The following FOXN3 variants were observed in gnomAD, a reference collection of about 807,000 sequenced individuals.
FOXN3 encodes the protein forkhead box protein N3.
Under a neutral mutation model 38.4 loss-of-function variants are expected in FOXN3, and 7 were observed. The ratio of observed to expected loss-of-function variants is 0.18; its 90% CI spans 0.10 to 0.34. The LOEUF is 0.34. Among genes scored for constraint, FOXN3 ranks in the 10% least tolerant of loss-of-function variants. The pLI is 1.00. For synonymous variants in FOXN3, 230 were observed against 242.2 expected (o/e 0.95, Z 0.47); for missense variants, 456 against 613.4 (o/e 0.74, Z 2.71).
At chr14:89,221,278 G>C (rs558888028) in intron 4 of FOXN3, among the ~76,000 whole-genome samples, 1 of 152,198 alleles carries the variant, frequency 6.6e-6, no homozygotes, top group East Asian at 1.9e-4. Context: ...CTCTTGGATG[G>C]TGTTCTATTG....
chr14:89,253,815 A>C (rs1596133594), intron 4 of FOXN3, among the ~76,000 whole-genome samples: 1 of 152,254 alleles, frequency 6.6e-6, no homozygotes, highest in East Asian at 1.9e-4. Context: ...AGGACTTTCC[A>C]ATTCAGCTGC....
chr14:89,314,917 C>T (rs548374167), intron 3 of FOXN3, among the ~76,000 whole-genome samples: 1 of 152,246 alleles, frequency 6.6e-6, no homozygotes, highest in South Asian at 2.1e-4. Flanking sequence ...CTCTCATAAA[C>T]TCAGCCTAAA....
chr14:89,433,691 C>T (rs1892213032), intron 1 of FOXN3, among the ~76,000 whole-genome samples: 1 of 151,048 alleles, frequency 6.6e-6, no homozygotes, highest in Non-Finnish European at 1.5e-5. Flanking sequence ...GTAATCCCAG[C>T]TATTCAGGAG....
intron 1 of FOXN3, among the ~76,000 whole-genome samples, chr14:89,618,727 T>G (rs998384018): frequency 4.6e-5 from 7 of 151,998 alleles, no homozygotes; most frequent in African/African-American, 1.7e-4. Flanking sequence ...TGTCTGCAAT[T>G]TTTTAAAAAA....
chr14:89,518,271 T>C (rs1311759059), intron 1 of FOXN3, among the ~76,000 whole-genome samples: 9 of 152,232 alleles, frequency 5.9e-5, no homozygotes, highest in Admixed American at 1.3e-4. Context: ...TGTCAAAGCA[T>C]TGCCCAGTAA....
intron 1 of FOXN3, among the ~76,000 whole-genome samples, chr14:89,432,767 G>A (rs1335264590): frequency 6.6e-6 from 1 of 152,134 alleles, no homozygotes; most frequent in Non-Finnish European, 1.5e-5. Flanking sequence ...ACAGTTTTGG[G>A]GTTTTTGGGA....
chr14:89,437,469 G>T (rs931037358), intron 1 of FOXN3, among the ~76,000 whole-genome samples: 1 of 152,126 alleles, frequency 6.6e-6, no homozygotes, highest in South Asian at 2.1e-4. Context: ...GATGATGGTG[G>T]TCATGTCAGA....
chr14:89,544,277 G>A (rs1486446990), intron 1 of FOXN3, among the ~76,000 whole-genome samples: 3 of 150,928 alleles, frequency 2.0e-5, no homozygotes, highest in Non-Finnish European at 2.9e-5. Context: ...TCCTGACCTC[G>A]TGATCCGCCC....
At chr14:89,445,181 T>C (rs1333287669) in intron 1 of FOXN3, among the ~76,000 whole-genome samples, 1 of 151,950 alleles carries the variant, frequency 6.6e-6, no homozygotes, top group Non-Finnish European at 1.5e-5. Context: ...CAGACTAGGG[T>C]TTGAATTCCA....
At position 89,282,417 on chromosome 14, in the gene FOXN3, G is replaced by C. The variant is rs187662940; in HGVS notation, c.681-1403C>G. ...CCAGGAGCTTCACAGGGTAACAGCA[G>C]ACCGGACTGGAGTCTCAGGATGATG... On this transcript the variant is annotated intron_variant, in intron 3 of 5. Transcript: ENST00000557258. Among the ~76,000 whole-genome samples, 4 of 152,300 alleles carry C rather than the reference G, an allele frequency of 2.6e-5. No homozygotes were observed. In the East Asian group the frequency reaches 5.8e-4, roughly 22 times the overall value.
At chr14:89,231,458 G>T (rs534531059) in intron 4 of FOXN3, among the ~76,000 whole-genome samples, 2 of 152,296 alleles carry the variant, frequency 1.3e-5, no homozygotes, top group African/African-American at 4.8e-5. Flanking sequence ...CAAGCCAGGT[G>T]ATCCAAGAGG....
chr14:89,428,021 G>T (rs1023622286), intron 1 of FOXN3, among the ~76,000 whole-genome samples: 1 of 152,090 alleles, frequency 6.6e-6, no homozygotes, highest in Non-Finnish European at 1.5e-5. Flanking sequence ...GGTTTCGGTG[G>T]CTAAGTCTGC....
chr14:89,612,234 G>C (rs1896406969), intron 1 of FOXN3, among the ~76,000 whole-genome samples: 1 of 152,032 alleles, frequency 6.6e-6, no homozygotes, highest in Non-Finnish European at 1.5e-5. Context: ...GCTAATATGA[G>C]AACCAATTAA....
chr14:89,610,038 C>T (rs1019795138), intron 1 of FOXN3, among the ~76,000 whole-genome samples: 1 of 152,062 alleles, frequency 6.6e-6, no homozygotes, highest in Non-Finnish European at 1.5e-5. Context: ...TCCTCTTGTT[C>T]CCATTTTTCA....
intron 2 of FOXN3, among the ~76,000 whole-genome samples, chr14:89,352,803 G>A (rs537658314): frequency 6.6e-5 from 10 of 152,110 alleles, no homozygotes; most frequent in South Asian, 2.1e-4. Context: ...GGAAATAACC[G>A]TAAGCCAAGA....
intron 3 of FOXN3, among the ~76,000 whole-genome samples, chr14:89,323,349 T>C (rs575774842): frequency 6.6e-6 from 1 of 150,844 alleles, no homozygotes; most frequent in African/African-American, 2.4e-5. Context: ...CACGAGTATT[T>C]TGAAGGGGTG....
chr14:89,603,914 A>G (rs1338754641), intron 1 of FOXN3, among the ~76,000 whole-genome samples: 1 of 152,164 alleles, frequency 6.6e-6, no homozygotes, highest in Non-Finnish European at 1.5e-5. Flanking sequence ...CCAGCTACAG[A>G]GAGGACTTTA....
intron 3 of FOXN3, among the ~76,000 whole-genome samples, chr14:89,294,458 C>T (rs920276823): frequency 6.6e-6 from 1 of 152,180 alleles, no homozygotes; most frequent in Non-Finnish European, 1.5e-5. Context: ...CCAGAGGCGT[C>T]TGAACCACAG....
At chr14:89,322,084 T>A (rs528541922) in intron 3 of FOXN3, among the ~76,000 whole-genome samples, 2 of 152,238 alleles carry the variant, frequency 1.3e-5, no homozygotes, top group Non-Finnish European at 2.9e-5. Flanking sequence ...AGGGCCACAG[T>A]TGCCTTAAAG....
Sources: gnomAD v4.1 joint callset for allele counts (sites outside exome capture counted in the v4.1 genomes callset) on GRCh38, gnomAD v4.1.1 for gene constraint, MANE v1.5 for transcripts, NCBI Gene and HGNC (gene_info 2026-07-23, HGNC 2026-07-21) for gene names.